Variants in FDFT1 observed in about 807,000 individuals in gnomAD.
The protein encoded by FDFT1 is squalene synthase.
FDFT1 carries 68 observed loss-of-function variants against 46.8 expected under a neutral mutation model. That is an observed-to-expected ratio of 1.45 (90% CI 1.19 to 1.78). The LOEUF is 1.78. Among genes scored for constraint, FDFT1 ranks in the 40% most tolerant of loss-of-function variants. The probability of loss-of-function intolerance (pLI) is 0.00; values close to 1 mark genes in which losing one functional copy is unlikely to be tolerated. For synonymous variants in FDFT1, 351 were observed against 185.1 expected, an observed-to-expected ratio of 1.90 and a Z score of -7.28; for missense variants, 928 against 524.4, an observed-to-expected ratio of 1.77 and a Z score of -7.52.
At chr8:11,804,610 T>TTC (rs985555755) in intron 1 of FDFT1, among the ~76,000 whole-genome samples, 44 of 143,602 alleles carry the variant, frequency 3.1e-4, no homozygotes, top group African/African-American at 1.1e-3. Flanking sequence ...CTTTTTTTTT[T>TTC]TTTTTTTTTT....
intron 1 of FDFT1, among the ~76,000 whole-genome samples, chr8:11,805,740 A>C (rs545524570): frequency 2.6e-5 from 4 of 152,204 alleles, no homozygotes; most frequent in Admixed American, 6.5e-5. Context: ...GTATATTCAA[A>C]TGTTTTGCTA....
Position 11,838,616 on chromosome 8 carries a change from A to G in FDFT1, c.*7A>G. 1 of 1,601,244 alleles carries G rather than the reference A, an allele frequency of 6.2e-7. No homozygotes were observed. The highest frequency in any genetic ancestry group is 8.6e-7 in the Non-Finnish European group (1 of 1,168,320). On this transcript the variant is annotated 3_prime_UTR_variant, in exon 8 of 8. Coordinates refer to ENST00000220584, the MANE Select transcript of FDFT1 (RefSeq NM_004462.5). ...TCAGACTGGAGAACACTGATCCCAAATTTGTCCATAGCTGAAGTCCACCAT... is the reference window on the plus strand; with the variant it reads ...TCAGACTGGAGAACACTGATCCCAAGTTTGTCCATAGCTGAAGTCCACCAT...
intron 7 of FDFT1, among the ~76,000 whole-genome samples, chr8:11,834,130 G>T (rs1464738387): frequency 6.6e-6 from 1 of 152,212 alleles, no homozygotes; most frequent in Non-Finnish European, 1.5e-5. Flanking sequence ...GACTCTGTCC[G>T]ATCTCTGGAC....
At chr8:11,803,173 C>G (rs985706129) in intron 1 of FDFT1, 4 of 1,419,808 alleles carry the variant, frequency 2.8e-6, no homozygotes, top group African/African-American at 1.4e-5. Context: ...TTGCGTGGTT[C>G]CCGGTGGTTG....
upstream of FDFT1, among the ~76,000 whole-genome samples, chr8:11,799,266 C>G (rs1434473167): frequency 6.6e-6 from 1 of 152,242 alleles, no homozygotes; most frequent in Non-Finnish European, 1.5e-5. Flanking sequence ...TGAGATCAAT[C>G]TCTTGACCAG....
At chr8:11,806,725 G>C (rs984964924) in intron 1 of FDFT1, among the ~76,000 whole-genome samples, 4 of 152,210 alleles carry the variant, frequency 2.6e-5, no homozygotes, top group African/African-American at 9.6e-5. Flanking sequence ...AGCTGCTCTG[G>C]AGCTCAGTCC....
Position 11,808,840 on chromosome 8 carries a change from A to T in FDFT1, c.146A>T (p.Gln49Leu). Reference sequence around the variant, plus strand: ...AAAACTTGCTACAAGTATCTCAATCAGACCAGTCGCAGTTTCGCAGCTGTT... The same window carrying T: ...AAAACTTGCTACAAGTATCTCAATCTGACCAGTCGCAGTTTCGCAGCTGTT... Reference protein sequence around the residue: ...SLKTCYKYLNQTSRSFAAVIQ... With the variant: ...SLKTCYKYLNLTSRSFAAVIQ... Residue 49 changes from glutamine to leucine, a missense_variant, in exon 2 of 8, where the codon CAG (glutamine) becomes CTG (leucine). By Grantham distance (113) the Gln-to-Leu change is moderately radical. Coordinates refer to ENST00000220584, the MANE Select transcript of FDFT1 (RefSeq NM_004462.5). The T allele has an allele frequency of 1.9e-6, 3 of 1,614,048 alleles. No individual in the cohort carries two copies. The highest frequency in any genetic ancestry group is 1.7e-4 in the Middle Eastern group (1 of 6,060).
chr8:11,809,534 C>T lies in FDFT1; in HGVS notation c.198-133C>T, dbSNP rs563352565. On this transcript the variant is annotated intron_variant, in intron 2 of 7. Coordinates refer to ENST00000220584, the MANE Select transcript of FDFT1 (RefSeq NM_004462.5). Reference sequence around the variant, plus strand: ...TGTAACTTTCGTTAAGTATGAAAAGCGTTGGATATCCTTATAGTTCTTTAG... The same window carrying T: ...TGTAACTTTCGTTAAGTATGAAAAGTGTTGGATATCCTTATAGTTCTTTAG... 4.6e-5 allele frequency: 59 copies of T among 1,289,306 alleles called. 1 individual carries two copies. In the Middle Eastern group the frequency reaches 8.5e-4, roughly 19 times the overall value. The allele number at this position is 1,289,306 out of a possible 1,614,324, so 79.9% of individuals were successfully genotyped here.
upstream of FDFT1, among the ~76,000 whole-genome samples, chr8:11,799,112 A>T (rs1044606050): frequency 6.6e-6 from 1 of 152,250 alleles, no homozygotes; most frequent in Non-Finnish European, 1.5e-5. Flanking sequence ...TCACTTTGGG[A>T]TAGAGACTCA....
intron 5 of FDFT1, among the ~76,000 whole-genome samples, chr8:11,829,912 A>G (rs766748943): frequency 6.7e-6 from 1 of 148,374 alleles, no homozygotes; most frequent in Non-Finnish European, 1.5e-5. Context: ...CAATGGCGAG[A>G]TCTTGACTCA....
At chr8:11,831,828 A>T in intron 7 of FDFT1, 158 bp downstream of exon 7, 3 of 662,330 alleles carry the variant, frequency 4.5e-6, no homozygotes, top group Non-Finnish European at 7.8e-6. Context: ...AAAAAAGTCT[A>T]TTCACAGGAG....
intron 3 of FDFT1, among the ~76,000 whole-genome samples, chr8:11,818,812 G>T (rs1808821741): frequency 6.6e-6 from 1 of 151,932 alleles, no homozygotes; most frequent in African/African-American, 2.4e-5. Flanking sequence ...TATCCAATTT[G>T]CCAGTCTGCG....
chr8:11,817,117 A>G (rs568128135), intron 3 of FDFT1, among the ~76,000 whole-genome samples: 14 of 152,274 alleles, frequency 9.2e-5, no homozygotes, highest in Middle Eastern at 3.4e-3. Flanking sequence ...TCGTGCATCT[A>G]TTGAGATAAT....
intron 5 of FDFT1, among the ~76,000 whole-genome samples, chr8:11,827,699 A>G (rs1216543284): frequency 6.6e-6 from 1 of 152,182 alleles, no homozygotes; most frequent in Non-Finnish European, 1.5e-5. Flanking sequence ...GATGATTATT[A>G]AAAATCTGAA....
chr8:11,830,070 A>G (rs546910426), intron 5 of FDFT1, among the ~76,000 whole-genome samples, 174 bp from the exon 6 acceptor site: 1 of 150,276 alleles, frequency 6.7e-6, no homozygotes, highest in South Asian at 2.1e-4. Flanking sequence ...CTGGTCTTGA[A>G]CTCCTGACCT....
At chr8:11,828,614 G>A (rs1031307497) in intron 5 of FDFT1, among the ~76,000 whole-genome samples, 2 of 152,260 alleles carry the variant, frequency 1.3e-5, no homozygotes, top group African/African-American at 2.4e-5. Context: ...ACACACAGGA[G>A]CAGAGCCCTG....
chr8:11,819,369 T>C (rs1415835153), intron 3 of FDFT1, among the ~76,000 whole-genome samples: 1 of 152,198 alleles, frequency 6.6e-6, no homozygotes, highest in African/African-American at 2.4e-5. Context: ...GTGTTCTCTG[T>C]ATTTCCTGAA....
chr8:11,799,771 C>G (rs533815720), upstream of FDFT1, among the ~76,000 whole-genome samples: 16 of 151,912 alleles, frequency 1.1e-4, no homozygotes, highest in Non-Finnish European at 2.2e-4. Context: ...CATGGTGAAA[C>G]CCTGTCTCAA....
chr8:11,827,120 C>CAAA (rs1261798340), intron 5 of FDFT1, among the ~76,000 whole-genome samples: 1 of 152,084 alleles, frequency 6.6e-6, no homozygotes, highest in Non-Finnish European at 1.5e-5. Flanking sequence ...GAATTTATTC[C>CAAA]AGCATTTACC....
Sources: allele counts gnomAD v4.1 joint callset (sites outside exome capture counted in the v4.1 genomes callset), GRCh38; gene constraint gnomAD v4.1.1; transcripts MANE v1.5; gene names NCBI Gene and HGNC (gene_info 2026-07-23, HGNC 2026-07-21).